Variants in C8orf34 observed in about 807,000 individuals in gnomAD.
The protein encoded by C8orf34 is chromosome 8 open reading frame 34, also known as uncharacterized protein C8orf34.
C8orf34 carries 65 observed loss-of-function variants against 68.3 expected under a neutral mutation model. The ratio of observed to expected loss-of-function variants is 0.95; its 90% CI spans 0.78 to 1.17. C8orf34 has a LOEUF of 1.17. Among genes scored for constraint, C8orf34 ranks in the 50% most tolerant of loss-of-function variants. The probability of loss-of-function intolerance (pLI) is 0.00; values close to 1 mark genes in which losing one functional copy is unlikely to be tolerated. For missense variants in C8orf34, 664 were observed against 655.4 expected, an observed-to-expected ratio of 1.01 and a Z score of -0.14; for synonymous variants, 244 against 241.2, an observed-to-expected ratio of 1.01 and a Z score of -0.11.
intron 4 of C8orf34, among the ~76,000 whole-genome samples, chr8:68,485,769 G>T (rs1217523647): frequency 6.7e-6 from 1 of 150,078 alleles, no homozygotes; most frequent in African/African-American, 2.4e-5. Flanking sequence ...AAATCAAGAG[G>T]TTAAGAGAGT....
At chr8:68,646,252 C>G (rs1259623208) in intron 8 of C8orf34, among the ~76,000 whole-genome samples, 1 of 151,728 alleles carries the variant, frequency 6.6e-6, no homozygotes, top group Non-Finnish European at 1.5e-5. Context: ...TTGCTTTTAT[C>G]AAGCAATAAG....
At chr8:68,638,318 C>CTT (rs138393548) in intron 7 of C8orf34, among the ~76,000 whole-genome samples, 27 of 141,296 alleles carry the variant, frequency 1.9e-4, no homozygotes, top group African/African-American at 4.7e-4. Flanking sequence ...TTTTTTTTTT[C>CTT]TTTTTTTTTT....
At chr8:68,450,544 T>G (rs1016080996) in intron 3 of C8orf34, among the ~76,000 whole-genome samples, 3 of 152,178 alleles carry the variant, frequency 2.0e-5, no homozygotes, top group Non-Finnish European at 4.4e-5. Context: ...TCTTGATTCA[T>G]GGACTGCAGA....
intron 8 of C8orf34, among the ~76,000 whole-genome samples, chr8:68,698,654 C>T (rs887074803): frequency 2.0e-5 from 3 of 152,050 alleles, no homozygotes; most frequent in Non-Finnish European, 4.4e-5. Context: ...TTTAGCTTCC[C>T]ACACAATCCC....
At chr8:68,713,707 A>G (rs185335753) in intron 9 of C8orf34, among the ~76,000 whole-genome samples, 20 of 152,288 alleles carry the variant, frequency 1.3e-4, no homozygotes, top group African/African-American at 4.8e-4. Flanking sequence ...ATGAATCCAC[A>G]GCTGAATTCT....
intron 7 of C8orf34, among the ~76,000 whole-genome samples, chr8:68,635,234 C>T (rs1473201879): frequency 2.6e-5 from 4 of 152,060 alleles, no homozygotes; most frequent in African/African-American, 9.7e-5. Context: ...AGATAATTGC[C>T]ATGGCACTCC....
intron 2 of C8orf34, among the ~76,000 whole-genome samples, chr8:68,443,559 G>C (rs148352538): frequency 1.3e-3 from 197 of 151,630 alleles, no homozygotes; most frequent in African/African-American, 4.3e-3. Flanking sequence ...CCACCATGCC[G>C]AGCTAACTTT....
At chr8:68,362,596 G>A (rs1049527907) in intron 1 of C8orf34, among the ~76,000 whole-genome samples, 3 of 152,160 alleles carry the variant, frequency 2.0e-5, no homozygotes, top group Non-Finnish European at 4.4e-5. Context: ...CCTGACCCCC[G>A]AGCAGCCTAA....
intron 1 of C8orf34, among the ~76,000 whole-genome samples, chr8:68,394,002 G>A (rs1223377658): frequency 2.0e-5 from 3 of 152,086 alleles, no homozygotes; most frequent in African/African-American, 7.2e-5. Context: ...GTAAGACTTA[G>A]CAATCAAATA....
chr8:68,774,745 T>C (rs1473108109), intron 10 of C8orf34, among the ~76,000 whole-genome samples: 1 of 150,764 alleles, frequency 6.6e-6, no homozygotes, highest in African/African-American at 2.5e-5. Flanking sequence ...TCACAATTTT[T>C]TTTAAAAAAA....
chr8:68,463,739 C>A (rs866865111), intron 3 of C8orf34, among the ~76,000 whole-genome samples: 21 of 152,264 alleles, frequency 1.4e-4, no homozygotes, highest in Middle Eastern at 6.8e-3. Context: ...AAAAATTCAA[C>A]AACGCTTCAT....
At chr8:68,345,403 A>G (rs951881623) in intron 1 of C8orf34, among the ~76,000 whole-genome samples, 1 of 152,008 alleles carries the variant, frequency 6.6e-6, no homozygotes, top group African/African-American at 2.4e-5. Context: ...TAAAGCTTTG[A>G]AATATGTATA....
chr8:68,540,829 G>A (rs1039008936), intron 7 of C8orf34, among the ~76,000 whole-genome samples: 2 of 138,204 alleles, frequency 1.4e-5, no homozygotes, highest in African/African-American at 2.8e-5. Flanking sequence ...GCGACAGAGC[G>A]AGACTGCGTC....
intron 3 of C8orf34, among the ~76,000 whole-genome samples, chr8:68,464,866 A>T (rs1174518506): frequency 1.3e-5 from 2 of 151,932 alleles, no homozygotes; most frequent in African/African-American, 4.8e-5. Context: ...AACCTAGGCA[A>T]TACCATTCAG....
At chr8:68,399,230 G>T (rs550295828) in intron 1 of C8orf34, among the ~76,000 whole-genome samples, 1 of 152,180 alleles carries the variant, frequency 6.6e-6, no homozygotes, top group African/African-American at 2.4e-5. Flanking sequence ...TTTGTGCTGT[G>T]TTGAAGTCAG....
intron 4 of C8orf34, among the ~76,000 whole-genome samples, chr8:68,483,826 C>T (rs568143358): frequency 2.6e-5 from 4 of 152,168 alleles, no homozygotes; most frequent in Non-Finnish European, 5.9e-5. Flanking sequence ...TCTGACATGC[C>T]TGTGGGAGCC....
intron 13 of C8orf34, 152 bp from the exon 14 acceptor site, chr8:68,818,087 T>A (rs982419230): frequency 3.1e-6 from 2 of 652,376 alleles, no homozygotes; most frequent in Non-Finnish European, 5.3e-6. Flanking sequence ...GCTGCAAATA[T>A]GATTAATAGA....
intron 10 of C8orf34, among the ~76,000 whole-genome samples, chr8:68,774,288 T>C (rs1474561867): frequency 6.9e-6 from 1 of 145,728 alleles, no homozygotes; most frequent in Non-Finnish European, 1.5e-5. Flanking sequence ...GAAGTTCACC[T>C]CTAAGAAACA....
chr8:68,488,040 G>T lies in C8orf34; in HGVS notation c.754G>T (p.Glu252Ter). The change falls in exon 5 of 14, where the codon GAA becomes TAA. Residue 252 changes from glutamate to a stop codon, truncating the protein, a stop_gained. Transcript: ENST00000518698. LOFTEE classifies it high-confidence loss of function. ...AATCCCAGGTATTGCAATTTCAGATGAACTCGATAAGGTAAGTTGAACTAT... is the reference window on the plus strand; with the variant it reads ...AATCCCAGGTATTGCAATTTCAGATTAACTCGATAAGGTAAGTTGAACTAT... ...NLSRSIAISD[E>*]LDKETVTFNS... The T allele has an allele frequency of 6.3e-7, 1 of 1,591,512 alleles. No homozygotes were observed. The highest frequency in any genetic ancestry group is 8.6e-7 in the Non-Finnish European group (1 of 1,168,934).
Sources: allele counts gnomAD v4.1 joint callset (sites outside exome capture counted in the v4.1 genomes callset), GRCh38; gene constraint gnomAD v4.1.1; transcripts MANE v1.5; gene names NCBI Gene and HGNC (gene_info 2026-07-23, HGNC 2026-07-21).